The following TLE2 variants were observed in gnomAD, a reference collection of about 807,000 sequenced individuals.
The protein encoded by TLE2 is transducin-like enhancer protein 2.
Under a neutral mutation model 97.2 loss-of-function variants are expected in TLE2, and 74 were observed. The observed-to-expected ratio is 0.76, with a 90% confidence interval of 0.63 to 0.92. The LOEUF is 0.92. Among genes scored for constraint, TLE2 ranks in the 40% least tolerant of loss-of-function variants. The probability of loss-of-function intolerance (pLI) is 0.00; values close to 1 mark genes in which losing one functional copy is unlikely to be tolerated. For missense variants in TLE2, 1,038 were observed against 1,008.7 expected, an observed-to-expected ratio of 1.03 and a Z score of -0.39; for synonymous variants, 499 against 432.1, an observed-to-expected ratio of 1.15 and a Z score of -1.92.
chr19:3,043,899 G>A (rs1161456523), intron 1 of TLE2, among the ~76,000 whole-genome samples: 2 of 152,110 alleles, frequency 1.3e-5, no homozygotes, highest in Non-Finnish European at 2.9e-5. Context: ...CAGGAGAATT[G>A]CTTGAACCCA....
intron 19 of TLE2, among the ~76,000 whole-genome samples, chr19:2,998,289 T>G (rs2089269659): frequency 7.1e-6 from 1 of 140,536 alleles, no homozygotes; most frequent in African/African-American, 3.1e-5. Flanking sequence ...TTTTTTTTTT[T>G]TTTTGTGAGA....
chr19:3,040,723 C>T (rs1055245942), intron 1 of TLE2, among the ~76,000 whole-genome samples: 6 of 151,954 alleles, frequency 3.9e-5, no homozygotes, highest in Admixed American at 3.9e-4. Flanking sequence ...TCACGGCTCC[C>T]TGCAAGCCTC....
chr19:3,002,564 G>C (rs918874133), intron 17 of TLE2, 61 bp from the exon 18 acceptor site: 2 of 1,520,098 alleles, frequency 1.3e-6, no homozygotes, highest in Non-Finnish European at 1.8e-6. Flanking sequence ...GTTGAGACAG[G>C]GTCTCACTCC....
Position 3,019,617 on chromosome 19 carries a change from A to G in TLE2, c.369+82T>C. ...GGAGCCAAGGCCCACACACCACCCC[A>G]GCTTTAACACCTCCTGGGTGGGTGC... On this transcript the variant is annotated intron_variant, in intron 6 of 19. Transcript: ENST00000262953. The surrounding 1 kb of genome is among the most constrained non-coding windows in gnomAD (Gnocchi z 5.1). The G allele has an allele frequency of 6.5e-7, 1 of 1,545,576 alleles. No homozygotes were observed. The highest frequency in any genetic ancestry group is 8.8e-7 in the Non-Finnish European group (1 of 1,142,754).
chr19:3,023,389 T>G (rs1048546960), intron 5 of TLE2, among the ~76,000 whole-genome samples: 1 of 152,144 alleles, frequency 6.6e-6, no homozygotes, highest in Non-Finnish European at 1.5e-5. Context: ...GTCCCCACTT[T>G]CCGCTGCAGA....
At position 3,022,611 on chromosome 19, in the gene TLE2, G is replaced by A. The variant is rs191559207; in HGVS notation, c.294+2409C>T. Among the ~76,000 whole-genome samples, 94 of 152,136 alleles carry A rather than the reference G, an allele frequency of 6.2e-4. 1 individual carries two copies. Among genetic ancestry groups the A allele is most frequent in the African/African-American group, 2.1e-3 (89 of 41,506 alleles). On this transcript the variant is annotated intron_variant, in intron 5 of 19. Coordinates refer to ENST00000262953, the MANE Select transcript of TLE2 (RefSeq NM_003260.5). ...TTAACCTAAGTGTAAATGATCACAC[G>A]GGGCTGGTGACTGCCGTGTAGGATA...
upstream of TLE2, among the ~76,000 whole-genome samples, chr19:3,033,899 G>A (rs993925171): frequency 6.6e-6 from 1 of 151,372 alleles, no homozygotes; most frequent in Non-Finnish European, 1.5e-5. Context: ...TCCTTAGCCC[G>A]GTCACTTGAA....
intron 8 of TLE2, among the ~76,000 whole-genome samples, chr19:3,017,604 C>G (rs1438959789): frequency 6.6e-6 from 1 of 151,914 alleles, no homozygotes; most frequent in African/African-American, 2.4e-5. Flanking sequence ...GCATGGACCA[C>G]CACACCCAGC....
intron 10 of TLE2, 102 bp downstream of exon 10, chr19:3,014,467 CG>C (rs1599218368): frequency 1.8e-6 from 2 of 1,131,286 alleles, no homozygotes; most frequent in East Asian, 3.1e-5. Flanking sequence ...TCCCACAGAG[CG>C]GGGAACCAGG....
rs145324089 is a variant in TLE2, at chr19:3,037,525, C to T, written c.63+8201G>A. Among the ~76,000 whole-genome samples the T allele has an allele frequency of 3.9e-4, 60 of 152,194 alleles. 1 individual carries two copies. The East Asian group carries it at 8.5e-3, about 22-fold the overall frequency. ...GGAACATCCCCCAGCTGTGAAGTGT[C>T]GGGGAGGTAGATACCCCCTAGGGTT... On this transcript the variant is annotated intron_variant, in intron 1 of 18. Coordinates refer to the TLE2 transcript ENST00000426948.
rs767303661 is a variant in TLE2, at chr19:3,005,728, T to C, written c.1741A>G (p.Met581Val). ...AGCGCACCTGCCACCCACCTGACCA[T>C]AGTCTGATTCTGCAGGTCCCAGACC... ...IVVWDLQNQTMVRQFQGHTDG... is the reference protein window; with the variant it reads ...IVVWDLQNQTVVRQFQGHTDG... The change falls in exon 16 of 20, where the codon ATG (methionine) becomes GTG (valine). Residue 581 changes from methionine to valine, a missense_variant. Met to Val is a conservative substitution (Grantham distance 21). Transcript: ENST00000262953. 35 of 1,613,118 alleles carry C rather than the reference T, an allele frequency of 2.2e-5. No homozygotes were observed. In the East Asian group the frequency reaches 6.9e-4, roughly 32 times the overall value.
chr19:3,005,302 G>T, intron 17 of TLE2, 135 bp downstream of exon 17: 1 of 1,236,936 alleles, frequency 8.1e-7, no homozygotes, highest in Non-Finnish European at 1.1e-6. Flanking sequence ...GTGTCTGGGG[G>T]ACAAGAAAGA....
upstream of TLE2, chr19:3,029,428 G>A: frequency 1.1e-6 from 1 of 878,430 alleles, no homozygotes; most frequent in African/African-American, 1.8e-5. Context: ...TCAGTCCCTG[G>A]GCCGTTGGGG....
intron 17 of TLE2, 121 bp from the exon 18 acceptor site, chr19:3,002,624 G>C: frequency 8.2e-7 from 1 of 1,222,608 alleles, no homozygotes; most frequent in African/African-American, 1.5e-5. Flanking sequence ...CTGCAGCCTT[G>C]ACCTCCAGGG....
At chr19:3,040,564 C>T (rs531519056) in intron 1 of TLE2, among the ~76,000 whole-genome samples, 3 of 152,188 alleles carry the variant, frequency 2.0e-5, no homozygotes, top group East Asian at 1.9e-4. Flanking sequence ...GTTTCGAACT[C>T]CTGGCCTCAA....
chr19:3,009,798 C>G, intron 12 of TLE2, 96 bp from the exon 13 acceptor site: 2 of 1,458,430 alleles, frequency 1.4e-6, no homozygotes, highest in Non-Finnish European at 1.8e-6. Flanking sequence ...TTTAGAGTTT[C>G]CATGTGCTGG....
At chr19:3,042,901 G>A (rs1250987685) in intron 1 of TLE2, among the ~76,000 whole-genome samples, 1 of 152,158 alleles carries the variant, frequency 6.6e-6, no homozygotes, top group Admixed American at 6.6e-5. Flanking sequence ...TTACCCAGGA[G>A]AGAAAGTTAG....
At chr19:3,012,710 A>G (rs1281974785) in intron 11 of TLE2, among the ~76,000 whole-genome samples, 1 of 152,128 alleles carries the variant, frequency 6.6e-6, no homozygotes, top group African/African-American at 2.4e-5. Context: ...GGAAAGCAGC[A>G]GCTGGACCTC....
chr19:3,033,588 G>A (rs1221533743), upstream of TLE2, among the ~76,000 whole-genome samples: 3 of 152,088 alleles, frequency 2.0e-5, no homozygotes, highest in African/African-American at 7.2e-5. Context: ...GTGAGCCACC[G>A]CGCCCCTCCA....
Sources: gnomAD v4.1 joint callset for allele counts (sites outside exome capture counted in the v4.1 genomes callset) on GRCh38, gnomAD v4.1.1 for gene constraint, Gnocchi (gnomAD v3.1) non-coding constraint, MANE v1.5 for transcripts, NCBI Gene and HGNC (gene_info 2026-07-23, HGNC 2026-07-21) for gene names.